KLHL1: variants seen among roughly 807,000 people sequenced by gnomAD.
The protein encoded by KLHL1 is kelch-like protein 1.
In KLHL1, 47 loss-of-function variants were observed where a neutral mutation model predicts 77.7. That is an observed-to-expected ratio of 0.60 (90% confidence interval 0.48 to 0.77). KLHL1 has a LOEUF of 0.77. Among genes scored for constraint, KLHL1 ranks in the 30% least tolerant of loss-of-function variants. The pLI, the probability that KLHL1 is intolerant of heterozygous loss-of-function variation, is 0.00. For synonymous variants in KLHL1, 360 were observed against 325.2 expected, an observed-to-expected ratio of 1.11 and a Z score of -1.15; for missense variants, 925 against 910.8, an observed-to-expected ratio of 1.02 and a Z score of -0.20.
At position 69,945,734 on chromosome 13, in the gene KLHL1, G is replaced by C. The variant is rs944625921; in HGVS notation, c.818-5498C>G. Among the ~76,000 whole-genome samples, 8 of 152,082 alleles carry C rather than the reference G, an allele frequency of 5.3e-5. No homozygotes were observed. In the South Asian group the frequency reaches 1.4e-3, roughly 28 times the overall value. ...ATGCCACAACACCTCTATTAGAACT[G>C]CTTGTGGAAATGTGAAATGGTACAA... On this transcript the variant is annotated intron_variant, in intron 3 of 10. Transcript: ENST00000377844.
At chr13:69,899,191 C>G (rs77786747) in intron 4 of KLHL1, among the ~76,000 whole-genome samples, 1 of 152,028 alleles carries the variant, frequency 6.6e-6, no homozygotes, top group South Asian at 2.1e-4. Context: ...AAATGTGATT[C>G]GACTCGATTT....
intron 1 of KLHL1, among the ~76,000 whole-genome samples, chr13:70,089,628 A>C (rs1887627127): frequency 6.6e-6 from 1 of 152,226 alleles, no homozygotes; most frequent in East Asian, 1.9e-4. Context: ...ATTTAAGTGT[A>C]TAATTCTATC....
intron 1 of KLHL1, among the ~76,000 whole-genome samples, chr13:70,087,338 A>G (rs917176912): frequency 1.3e-5 from 2 of 152,208 alleles, no homozygotes; most frequent in African/African-American, 2.4e-5. Flanking sequence ...TCCAGACCAC[A>G]TAATGGGTAA....
intron 1 of KLHL1, among the ~76,000 whole-genome samples, chr13:70,086,738 T>C (rs750733670): frequency 2.6e-5 from 4 of 151,402 alleles, no homozygotes; most frequent in African/African-American, 9.7e-5. Context: ...TTACCTCTTA[T>C]ATGTAGTGCC....
chr13:70,069,350 G>C (rs1029468173), intron 1 of KLHL1, among the ~76,000 whole-genome samples: 1 of 152,184 alleles, frequency 6.6e-6, no homozygotes, highest in African/African-American at 2.4e-5. Context: ...CATAACTATA[G>C]CAAATAGTAA....
At chr13:69,717,857 G>A (rs1872838971) in intron 9 of KLHL1, among the ~76,000 whole-genome samples, 1 of 152,110 alleles carries the variant, frequency 6.6e-6, no homozygotes, top group Non-Finnish European at 1.5e-5. Flanking sequence ...GACACCTGTA[G>A]TTCCTGATTT....
At chr13:70,086,601 AGAAAGAAAG>A (rs1566564238) in intron 1 of KLHL1, among the ~76,000 whole-genome samples, 5 of 39,272 alleles carry the variant, frequency 1.3e-4, no homozygotes, top group Non-Finnish European at 2.5e-4. Context: ...AAAGAAAGAA[AGAAAGAAAG>A]AAAGAAAGAA....
chr13:70,015,342 G>A lies in KLHL1; in HGVS notation c.498-39540C>T, dbSNP rs192882621. On this transcript the variant is annotated intron_variant, in intron 1 of 10. Transcript: ENST00000377844. The stretch of plus-strand genomic sequence containing the variant: ...AATTTTAATATAAAGGTAAGTATTT[G>A]TGTATCTAAACATAAAAATGGTAAA... Among the ~76,000 whole-genome samples, 225 of 152,194 alleles carry A rather than the reference G, an allele frequency of 1.5e-3. 1 individual carries two copies. Among genetic ancestry groups the A allele is most frequent in the African/African-American group, 5.0e-3 (206 of 41,524 alleles).
intron 4 of KLHL1, among the ~76,000 whole-genome samples, chr13:69,927,093 A>C (rs1593956722): frequency 6.6e-6 from 1 of 152,250 alleles, no homozygotes; most frequent in East Asian, 1.9e-4. Context: ...GAGAGTCCAG[A>C]AATAAAATCT....
chr13:69,886,818 A>G (rs923737096), intron 4 of KLHL1, among the ~76,000 whole-genome samples: 4 of 152,210 alleles, frequency 2.6e-5, no homozygotes. Context: ...CTCTGTGACC[A>G]TTAGTCAATT....
chr13:70,084,467 T>C (rs1490806009), intron 1 of KLHL1, among the ~76,000 whole-genome samples: 1 of 132,194 alleles, frequency 7.6e-6, no homozygotes, highest in South Asian at 2.3e-4. Flanking sequence ...TCTTCTTCTT[T>C]TTTTTTTTTT....
intron 3 of KLHL1, among the ~76,000 whole-genome samples, chr13:69,948,831 G>C (rs1883613599): frequency 6.6e-6 from 1 of 151,788 alleles, no homozygotes; most frequent in Admixed American, 6.6e-5. Flanking sequence ...CAAAGGTATT[G>C]TTTTAGGAAT....
chr13:69,870,984 G>A (rs1880560263), intron 5 of KLHL1, among the ~76,000 whole-genome samples: 1 of 152,086 alleles, frequency 6.6e-6, no homozygotes, highest in Non-Finnish European at 1.5e-5. Flanking sequence ...AGGGTCTGGA[G>A]GGCAGTGTCT....
At chr13:69,702,048 C>T (rs1487172401) in intron 10 of KLHL1, among the ~76,000 whole-genome samples, 2 of 151,604 alleles carry the variant, frequency 1.3e-5, no homozygotes, top group East Asian at 3.9e-4. Flanking sequence ...AAGTTTCCAT[C>T]AAAGCTCTAT....
At position 69,803,601 on chromosome 13, in the gene KLHL1, C is replaced by T. The variant is rs569818051; in HGVS notation, c.1415-6639G>A. On this transcript the variant is annotated intron_variant, in intron 6 of 10. Coordinates refer to ENST00000377844, the MANE Select transcript of KLHL1 (RefSeq NM_020866.3). ...TGACTTTAAAATAGGAATAATATCTCGCTGGCCTTGATGACGTGATCCCCT... is the reference window on the plus strand; with the variant it reads ...TGACTTTAAAATAGGAATAATATCTTGCTGGCCTTGATGACGTGATCCCCT... 7.4e-4 allele frequency among the ~76,000 whole-genome samples: 113 copies of T among 152,232 alleles called. 1 individual carries two copies. Among genetic ancestry groups the T allele is most frequent in the Non-Finnish European group, 1.4e-3 (97 of 68,024 alleles).
At chr13:69,767,640 C>A (rs550946524) in intron 7 of KLHL1, among the ~76,000 whole-genome samples, 72 of 152,156 alleles carry the variant, frequency 4.7e-4, no homozygotes, top group Admixed American at 4.7e-3. Flanking sequence ...AGATTGATCA[C>A]CCATATGATG....
At chr13:69,923,776 G>C (rs1401665191) in intron 4 of KLHL1, among the ~76,000 whole-genome samples, 1 of 152,140 alleles carries the variant, frequency 6.6e-6, no homozygotes, top group Non-Finnish European at 1.5e-5. Flanking sequence ...GGCTACATTT[G>C]CCATGGAAGA....
intron 1 of KLHL1, among the ~76,000 whole-genome samples, chr13:70,028,079 A>C (rs1056438470): frequency 6.6e-6 from 1 of 152,174 alleles, no homozygotes; most frequent in Non-Finnish European, 1.5e-5. Context: ...AGGTCAGAAA[A>C]ATAAATTGCT....
At chr13:69,983,659 C>A (rs1053076329) in intron 1 of KLHL1, among the ~76,000 whole-genome samples, 3 of 149,928 alleles carry the variant, frequency 2.0e-5, no homozygotes, top group Admixed American at 2.0e-4. Context: ...CCTAGCTACT[C>A]AGGAGGCTAT....
Sources: gnomAD v4.1 joint callset for allele counts (sites outside exome capture counted in the v4.1 genomes callset) on GRCh38, gnomAD v4.1.1 for gene constraint, MANE v1.5 for transcripts, NCBI Gene and HGNC (gene_info 2026-07-23, HGNC 2026-07-21) for gene names.